MIR2052HG: variants seen among roughly 807,000 people sequenced by gnomAD.
MIR2052HG encodes MIR2052 host gene.
intron 2 of MIR2052HG, among the ~76,000 whole-genome samples, chr8:74,658,379 C>A (rs1284360881): frequency 6.7e-6 from 1 of 149,190 alleles, no homozygotes; most frequent in Non-Finnish European, 1.5e-5. Flanking sequence ...ATGTTTCTTT[C>A]TCTCGCTCTC....
chr8:74,655,285 A>T (rs191905537), intron 2 of MIR2052HG, among the ~76,000 whole-genome samples: 1 of 152,344 alleles, frequency 6.6e-6, no homozygotes, highest in East Asian at 1.9e-4. Context: ...CATAACTAAC[A>T]AGGAGCCGAA....
intron 2 of MIR2052HG, among the ~76,000 whole-genome samples, chr8:74,658,447 A>G (rs1012563592): frequency 1.3e-5 from 2 of 150,792 alleles, no homozygotes; most frequent in Non-Finnish European, 2.9e-5. Flanking sequence ...CTGGAGTGCA[A>G]TGGCGTGATC....
At chr8:74,636,124 T>C (rs1383206879) in intron 2 of MIR2052HG, among the ~76,000 whole-genome samples, 2 of 152,164 alleles carry the variant, frequency 1.3e-5, no homozygotes, top group Non-Finnish European at 2.9e-5. Flanking sequence ...TTTTAGAACT[T>C]AGTAAGCCAC....
At chr8:74,738,133 GTATC>G (rs56976671) in intron 4 of MIR2052HG, among the ~76,000 whole-genome samples, 14 of 149,512 alleles carry the variant, frequency 9.4e-5, no homozygotes, top group Non-Finnish European at 1.3e-4. Context: ...ATGTATGTAT[GTATC>G]TATCTATCTA....
chr8:74,721,892 T>A (rs1476847724), intron 4 of MIR2052HG, among the ~76,000 whole-genome samples: 1 of 152,142 alleles, frequency 6.6e-6, no homozygotes, highest in African/African-American at 2.4e-5. Flanking sequence ...GGTTATGCAG[T>A]GATAAAAACC....
chr8:74,640,504 G>A (rs973899755), intron 2 of MIR2052HG, among the ~76,000 whole-genome samples: 3 of 149,064 alleles, frequency 2.0e-5, no homozygotes, highest in Non-Finnish European at 4.4e-5. Flanking sequence ...GGGCGCTGAT[G>A]CTCTCCCTGG....
chr8:74,629,238 A>G (rs1384094795), intron 2 of MIR2052HG, among the ~76,000 whole-genome samples: 2 of 152,154 alleles, frequency 1.3e-5, no homozygotes, highest in African/African-American at 4.8e-5. Context: ...ACTGTTAAAT[A>G]TATTAAATGA....
chr8:74,724,899 C>T (rs1809617744), intron 4 of MIR2052HG, among the ~76,000 whole-genome samples: 1 of 151,974 alleles, frequency 6.6e-6, no homozygotes, highest in Admixed American at 6.6e-5. Context: ...TTGTCCTGGC[C>T]TTCCCAATTC....
intron 2 of MIR2052HG, among the ~76,000 whole-genome samples, chr8:74,673,910 T>TATATATATATATATATATATATACATAC (rs1485340799): frequency 1.2e-4 from 16 of 133,234 alleles, no homozygotes; most frequent in African/African-American, 5.1e-4. Flanking sequence ...TATATATATA[T>TATATATATATATATATATATATACATAC]ACACACACAA....
At chr8:74,695,672 G>GA (rs200312182) in intron 2 of MIR2052HG, among the ~76,000 whole-genome samples, 60 of 145,172 alleles carry the variant, frequency 4.1e-4, no homozygotes, top group East Asian at 1.2e-3. Context: ...TCTTACATCA[G>GA]AAAAAAAAAA....
intron 4 of MIR2052HG, among the ~76,000 whole-genome samples, chr8:74,741,142 T>C (rs1173055847): frequency 6.6e-6 from 1 of 152,198 alleles, no homozygotes; most frequent in Non-Finnish European, 1.5e-5. Flanking sequence ...AAATAATTAA[T>C]TTCATGGTCT....
At chr8:74,656,764 C>A (rs750807062) in intron 2 of MIR2052HG, among the ~76,000 whole-genome samples, 1 of 152,084 alleles carries the variant, frequency 6.6e-6, no homozygotes, top group African/African-American at 2.4e-5. Flanking sequence ...GAGAGGACTG[C>A]CCACTTCTGA....
intron 2 of MIR2052HG, among the ~76,000 whole-genome samples, chr8:74,677,029 G>A (rs756640104): frequency 7.2e-5 from 11 of 151,944 alleles, no homozygotes; most frequent in Non-Finnish European, 1.5e-4. Context: ...AGAAAGAAAT[G>A]TAAAAAGAAC....
At chr8:74,689,151 A>C (rs545514464) in intron 2 of MIR2052HG, among the ~76,000 whole-genome samples, 1 of 152,250 alleles carries the variant, frequency 6.6e-6, no homozygotes, top group African/African-American at 2.4e-5. Context: ...AGTCTGAAGA[A>C]GTTTGAGGTG....
chr8:74,753,119 T>TAG (rs1809965403), intron 5 of MIR2052HG, among the ~76,000 whole-genome samples: 3 of 152,232 alleles, frequency 2.0e-5, no homozygotes, highest in Admixed American at 2.0e-4. Flanking sequence ...TTAGCTCTAC[T>TAG]AGCTAATCTA....
intron 2 of MIR2052HG, among the ~76,000 whole-genome samples, chr8:74,697,275 C>T (rs189979301): frequency 1.9e-4 from 29 of 152,228 alleles, no homozygotes; most frequent in African/African-American, 7.0e-4. Context: ...CAAAATCCAA[C>T]ATCCCTTTAT....
chr8:74,657,280 G>A (rs1808816864), intron 2 of MIR2052HG, among the ~76,000 whole-genome samples: 1 of 152,212 alleles, frequency 6.6e-6, no homozygotes, highest in Admixed American at 6.5e-5. Flanking sequence ...TCTGGGGAGT[G>A]AGGATGGGGA....
chr8:74,620,033 T>A (rs186064578), intron 2 of MIR2052HG, among the ~76,000 whole-genome samples: 16 of 152,316 alleles, frequency 1.1e-4, no homozygotes, highest in African/African-American at 3.6e-4. Flanking sequence ...GCCATTCCAA[T>A]GGGAGAAATT....
At chr8:74,667,663 C>G (rs758608206) in intron 2 of MIR2052HG, among the ~76,000 whole-genome samples, 2 of 152,110 alleles carry the variant, frequency 1.3e-5, no homozygotes, top group Non-Finnish European at 2.9e-5. Context: ...CCTTTTAAAA[C>G]TTGTGGAATA....
Sources: gnomAD v4.1 joint callset for allele counts (sites outside exome capture counted in the v4.1 genomes callset) on GRCh38, gnomAD v4.1.1 for gene constraint, MANE v1.5 for transcripts, NCBI Gene and HGNC (gene_info 2026-07-23, HGNC 2026-07-21) for gene names.